Variants in TIMP3 observed in about 807,000 individuals in gnomAD.
TIMP3 encodes metalloproteinase inhibitor 3.
In TIMP3, 11 loss-of-function variants were observed where a neutral mutation model predicts 30.0. The ratio of observed to expected loss-of-function variants is 0.37; its 90% CI spans 0.23 to 0.61. The LOEUF is 0.61. Among genes scored for constraint, TIMP3 ranks in the 20% least tolerant of loss-of-function variants. The pLI is 0.70. For synonymous variants in TIMP3, 112 were observed against 111.3 expected, an observed-to-expected ratio of 1.01 and a Z score of -0.04; for missense variants, 181 against 276.8, an observed-to-expected ratio of 0.65 and a Z score of 2.45.
At chr22:32,809,675 T>C (rs2046859667) in intron 1 of TIMP3, among the ~76,000 whole-genome samples, 1 of 152,248 alleles carries the variant, frequency 6.6e-6, no homozygotes, top group South Asian at 2.1e-4. Flanking sequence ...TAGCCAGTCA[T>C]TATTCTGACA....
At position 32,841,338 on chromosome 22, in the gene TIMP3, G is replaced by A. The variant is rs1317063928; in HGVS notation, c.122-8114G>A. Among the ~76,000 whole-genome samples, 3 of 152,142 alleles carry A rather than the reference G, an allele frequency of 2.0e-5. No homozygotes were observed. In the East Asian group the frequency reaches 5.8e-4, roughly 29 times the overall value. On this transcript the variant is annotated intron_variant, in intron 1 of 4. Coordinates refer to ENST00000266085, the MANE Select transcript of TIMP3 (RefSeq NM_000362.5). ...ATAGAGCACAGTGTCAGGGGCCAAG[G>A]GATTGCGAGGAGGGGGAGGAATGTG...
chr22:32,820,619 C>T (rs2047219270), intron 1 of TIMP3, among the ~76,000 whole-genome samples: 2 of 152,142 alleles, frequency 1.3e-5, no homozygotes, highest in African/African-American at 2.4e-5. Flanking sequence ...CTGCAACATG[C>T]TTGCTTAGGG....
chr22:32,848,463 C>T (rs1324545589), intron 1 of TIMP3, among the ~76,000 whole-genome samples: 4 of 152,216 alleles, frequency 2.6e-5, no homozygotes, highest in African/African-American at 9.7e-5. Flanking sequence ...GATGCTAATA[C>T]TGCCCTTGTA....
chr22:32,803,762 C>T (rs192211005), intron 1 of TIMP3, among the ~76,000 whole-genome samples: 32 of 152,304 alleles, frequency 2.1e-4, no homozygotes, highest in Middle Eastern at 6.8e-3. Context: ...GGCCAGGAGG[C>T]TGGCAGGTGG....
At chr22:32,857,045 C>T (rs1003623372) in intron 2 of TIMP3, among the ~76,000 whole-genome samples, 1 of 152,192 alleles carries the variant, frequency 6.6e-6, no homozygotes, top group Non-Finnish European at 1.5e-5. Context: ...CAGGTTTTGT[C>T]TATCCATTCA....
At chr22:32,846,495 G>C (rs987352207) in intron 1 of TIMP3, among the ~76,000 whole-genome samples, 2 of 152,196 alleles carry the variant, frequency 1.3e-5, no homozygotes, top group African/African-American at 4.8e-5. Flanking sequence ...AACACATGAG[G>C]TTTGGGATGG....
intron 2 of TIMP3, among the ~76,000 whole-genome samples, chr22:32,851,598 AT>A (rs1398748442): frequency 6.6e-6 from 1 of 152,096 alleles, no homozygotes. Context: ...TGGGAATTAG[AT>A]GTAGGATCCC....
chr22:32,812,613 C>G (rs1231804213), intron 1 of TIMP3, among the ~76,000 whole-genome samples: 1 of 152,192 alleles, frequency 6.6e-6, no homozygotes, highest in Admixed American at 6.5e-5. Flanking sequence ...TATCCACAGC[C>G]TACCTGAGCA....
chr22:32,850,780 C>T (rs1271155932), intron 2 of TIMP3, among the ~76,000 whole-genome samples: 8 of 152,138 alleles, frequency 5.3e-5, no homozygotes, highest in Non-Finnish European at 1.0e-4. Context: ...CTGTCTAATA[C>T]GGGCATGAGG....
At position 32,858,113 on chromosome 22, in the gene TIMP3, G is replaced by A. The variant is rs1462196369; in HGVS notation, c.413G>A (p.Arg138Gln). The A allele has an allele frequency of 3.1e-6, 5 of 1,614,162 alleles. 1 individual carries two copies. The South Asian group carries it at 3.3e-5, about 11-fold the overall frequency. The change falls in exon 4 of 5, where the codon CGG becomes CAG. Residue 138 changes from arginine to glutamine, a missense_variant. Physicochemically the swap from Arg to Gln is conservative, Grantham distance 43 (BLOSUM62 1). Around this residue, in one of 3 missense-constraint regions of TIMP3, gnomAD observed 63 missense variants for 133.3 expected, o/e 0.47. Coordinates refer to ENST00000266085, the MANE Select transcript of TIMP3 (RefSeq NM_000362.5). The stretch of plus-strand genomic sequence containing the variant: ...TCCCAGCGCAAGGGGCTGAACTATC[G>A]GTATCACCTGGGTTGTAACTGCAAG... ...TLSQRKGLNY[R>Q]YHLGCNCKIK...
chr22:32,843,451 C>T (rs1294323322), intron 1 of TIMP3, among the ~76,000 whole-genome samples: 1 of 152,180 alleles, frequency 6.6e-6, no homozygotes, highest in Non-Finnish European at 1.5e-5. Context: ...AAAAGGCTTG[C>T]TTGGCGGGCT....
chr22:32,838,115 T>C (rs2047787655), intron 1 of TIMP3, among the ~76,000 whole-genome samples: 1 of 152,174 alleles, frequency 6.6e-6, no homozygotes, highest in Non-Finnish European at 1.5e-5. Flanking sequence ...ATAAGCTTCT[T>C]AAAGGTAGGA....
chr22:32,830,494 C>A (rs2047540801), intron 1 of TIMP3, among the ~76,000 whole-genome samples: 1 of 152,160 alleles, frequency 6.6e-6, no homozygotes, highest in South Asian at 2.1e-4. Context: ...GCCCCTCTTT[C>A]ACAGAAACAG....
At chr22:32,825,606 C>T (rs1006834781) in intron 1 of TIMP3, among the ~76,000 whole-genome samples, 5 of 120,714 alleles carry the variant, frequency 4.1e-5, no homozygotes, top group African/African-American at 6.4e-5. Flanking sequence ...TGCAGTGAGC[C>T]GAGATCATGC....
intron 1 of TIMP3, among the ~76,000 whole-genome samples, chr22:32,828,449 C>T (rs2047477335): frequency 1.3e-5 from 2 of 152,256 alleles, no homozygotes; most frequent in Admixed American, 6.5e-5. Context: ...GTCAGAGATC[C>T]AATCCCTGGC....
At chr22:32,835,425 G>A (rs2047702694) in intron 1 of TIMP3, among the ~76,000 whole-genome samples, 1 of 152,106 alleles carries the variant, frequency 6.6e-6, no homozygotes, top group Non-Finnish European at 1.5e-5. Context: ...TACACACTAG[G>A]GCCCCTGAGA....
chr22:32,841,860 T>TA (rs1480824295), intron 1 of TIMP3, among the ~76,000 whole-genome samples: 2 of 151,472 alleles, frequency 1.3e-5, no homozygotes, highest in South Asian at 2.1e-4. Context: ...ACAATTTGTT[T>TA]AAAAAAAAAG....
In TIMP3 at chr22:32,859,684, G is replaced by T; in HGVS notation, c.*307G>T. ...TGATAATATAATCTCTATTTTTTTA[G>T]GAAAACAAAAATGAAAAACTACTCC... On this transcript the variant is annotated 3_prime_UTR_variant, in exon 5 of 5. Transcript: ENST00000266085. The T allele has an allele frequency of 2.8e-6, 1 of 359,630 alleles. No homozygotes were observed. The allele number at this position is 359,630 out of a possible 1,614,324, so 22.3% of individuals were successfully genotyped here. A position where few individuals can be genotyped will look rare whatever the true frequency, so the allele number is the denominator to read the frequency against.
chr22:32,830,147 G>A (rs764391817), intron 1 of TIMP3, among the ~76,000 whole-genome samples: 2 of 152,144 alleles, frequency 1.3e-5, no homozygotes, highest in Non-Finnish European at 2.9e-5. Flanking sequence ...CTAGTACTTT[G>A]CATTTTCTTT....
Sources: allele counts gnomAD v4.1 joint callset (sites outside exome capture counted in the v4.1 genomes callset), GRCh38; gene constraint gnomAD v4.1.1; regional missense constraint gnomAD v4.1.1; transcripts MANE v1.5; gene names NCBI Gene and HGNC (gene_info 2026-07-23, HGNC 2026-07-21).